The following DPP6 variants were observed in gnomAD, a reference collection of about 807,000 sequenced individuals.
DPP6 encodes the protein dipeptidyl peptidase like 6.
Under a neutral mutation model 122.6 loss-of-function variants are expected in DPP6, and 69 were observed. That is an observed-to-expected ratio of 0.56 (90% CI 0.46 to 0.69). The LOEUF (loss-of-function observed/expected upper bound fraction) is 0.69. Ranked by LOEUF, DPP6 falls within the 30% of genes least tolerant of loss-of-function variation. The pLI is 0.00. For missense variants in DPP6, 928 were observed against 1,116.9 expected (o/e 0.83, Z 2.41); for synonymous variants, 418 against 433.1 (o/e 0.97, Z 0.43).
Position 154,326,818 on chromosome 7 carries a change from G to A in DPP6, c.244-119396G>A, listed in dbSNP as rs553335769. ...TATGGCAAGTAAAATGGATTTCCTC[G>A]GGGCCTGGAAGGAATTCCTGTTCAA... On this transcript the variant is annotated intron_variant, in intron 1 of 25. Transcript: ENST00000377770. 3.3e-5 allele frequency among the ~76,000 whole-genome samples: 5 copies of A among 152,234 alleles called. No individual in the cohort carries two copies. In the East Asian group the frequency reaches 7.7e-4, roughly 23 times the overall value.
chr7:153,784,228 C>T, the DPP6 span, among the ~76,000 whole-genome samples: 1 of 152,276 alleles, frequency 6.6e-6, no homozygotes, highest in South Asian at 2.1e-4. Flanking sequence ...ACATTGCCCT[C>T]ATGTAATCTA....
At chr7:154,220,854 G>A (rs569488287) in intron 1 of DPP6, among the ~76,000 whole-genome samples, 19 of 152,288 alleles carry the variant, frequency 1.2e-4, no homozygotes, top group Middle Eastern at 3.4e-3. Flanking sequence ...GGGCTTTCAC[G>A]AACAAGTTTT....
intron 3 of DPP6, among the ~76,000 whole-genome samples, chr7:154,524,229 C>T (rs1314685901): frequency 6.6e-6 from 1 of 152,204 alleles, no homozygotes; most frequent in Non-Finnish European, 1.5e-5. Flanking sequence ...GTGAGTATCA[C>T]TATTGACTTG....
chr7:154,431,983 C>T (rs1818467026), intron 1 of DPP6, among the ~76,000 whole-genome samples: 1 of 149,956 alleles, frequency 6.7e-6, no homozygotes, highest in Admixed American at 6.6e-5. Flanking sequence ...GTTCCTGTGC[C>T]CTGATCTCAG....
At chr7:154,891,393 A>G (rs1296470742) in intron 25 of DPP6, among the ~76,000 whole-genome samples, 2 of 152,176 alleles carry the variant, frequency 1.3e-5, no homozygotes, top group Non-Finnish European at 2.9e-5. Flanking sequence ...TCCAGGCCTC[A>G]TTCTAAGCAC....
At chr7:154,063,279 AGGG>A (rs1480844084) in intron 1 of DPP6, among the ~76,000 whole-genome samples, 3 of 88,294 alleles carry the variant, frequency 3.4e-5, no homozygotes, top group East Asian at 4.0e-4. Context: ...CCCATCGCAG[AGGG>A]GGGAGGGACC....
intron 1 of DPP6, among the ~76,000 whole-genome samples, chr7:153,898,547 A>G (rs1799507228): frequency 6.6e-6 from 1 of 152,254 alleles, no homozygotes; most frequent in African/African-American, 2.4e-5. Context: ...AAGTAAACAT[A>G]CATCAAAATA....
intron 1 of DPP6, among the ~76,000 whole-genome samples, chr7:154,283,977 C>T (rs1046326413): frequency 2.6e-5 from 4 of 152,174 alleles, no homozygotes; most frequent in East Asian, 1.9e-4. Flanking sequence ...TATGGCTTTT[C>T]GCTTTACAAG....
At chr7:154,773,525 T>A (rs1796382048) in intron 10 of DPP6, among the ~76,000 whole-genome samples, 1 of 151,148 alleles carries the variant, frequency 6.6e-6, no homozygotes, top group Non-Finnish European at 1.5e-5. Context: ...TTTCCCCAAA[T>A]TCAAGCAGCG....
At chr7:154,025,184 C>G (rs1458475136) in intron 1 of DPP6, among the ~76,000 whole-genome samples, 1 of 151,282 alleles carries the variant, frequency 6.6e-6, no homozygotes, top group African/African-American at 2.4e-5. Context: ...TTTGTGCTTT[C>G]TAGAGGGATA....
At chr7:154,651,503 G>T (rs750344470) in intron 6 of DPP6, among the ~76,000 whole-genome samples, 2 of 152,096 alleles carry the variant, frequency 1.3e-5, no homozygotes, top group Non-Finnish European at 2.9e-5. Flanking sequence ...ACCCCAAGCA[G>T]TTAGCTGTTA....
chr7:154,269,114 A>T (rs1803625716), intron 1 of DPP6, among the ~76,000 whole-genome samples: 1 of 151,116 alleles, frequency 6.6e-6, no homozygotes, highest in Non-Finnish European at 1.5e-5. Flanking sequence ...GTGATATCCC[A>T]TGTGATCCAA....
intron 1 of DPP6, among the ~76,000 whole-genome samples, chr7:154,287,787 A>G (rs1224531197): frequency 6.6e-6 from 1 of 152,158 alleles, no homozygotes; most frequent in Admixed American, 6.5e-5. Flanking sequence ...CAGAGTAGAA[A>G]ATCCAGGGAG....
At chr7:154,152,785 G>A (rs989874859) in intron 1 of DPP6, among the ~76,000 whole-genome samples, 2 of 152,192 alleles carry the variant, frequency 1.3e-5, no homozygotes, top group African/African-American at 2.4e-5. Flanking sequence ...GCATTTTCCT[G>A]AACACACAAG....
At chr7:154,777,768 A>G (rs1796674423) in intron 10 of DPP6, among the ~76,000 whole-genome samples, 1 of 152,054 alleles carries the variant, frequency 6.6e-6, no homozygotes, top group South Asian at 2.1e-4. Context: ...CAGAGGCGGT[A>G]AAGGGCTCCC....
intron 8 of DPP6, among the ~76,000 whole-genome samples, chr7:154,735,213 G>A (rs936209534): frequency 1.3e-5 from 2 of 152,244 alleles, no homozygotes; most frequent in South Asian, 2.1e-4. Flanking sequence ...TTCTGTCCAC[G>A]TTTAGATTCT....
At chr7:153,856,836 T>C in the DPP6 span, among the ~76,000 whole-genome samples, 1 of 152,152 alleles carries the variant, frequency 6.6e-6, no homozygotes, top group African/African-American at 2.4e-5. Context: ...TAATAAGCAA[T>C]GTGGGGATTA....
intron 1 of DPP6, among the ~76,000 whole-genome samples, chr7:153,975,379 A>G (rs187079018): frequency 0.012 from 1,802 of 147,548 alleles, 33 homozygotes; most frequent in African/African-American, 0.044. Context: ...GCCTACAAAG[A>G]TTTTCTAGAC....
intron 2 of DPP6, 82 bp from the exon 3 acceptor site, chr7:154,474,857 A>C: frequency 9.3e-7 from 1 of 1,078,110 alleles, no homozygotes; most frequent in Non-Finnish European, 1.4e-6. Flanking sequence ...ACTATTTATA[A>C]ATGACAATCA....
Sources: allele counts gnomAD v4.1 joint callset (sites outside exome capture counted in the v4.1 genomes callset), GRCh38; gene constraint gnomAD v4.1.1; transcripts MANE v1.5; gene names NCBI Gene and HGNC (gene_info 2026-07-23, HGNC 2026-07-21).